CDH13: variants seen among roughly 807,000 people sequenced by gnomAD.
CDH13 encodes the protein cadherin-13.
Under a neutral mutation model 63.8 loss-of-function variants are expected in CDH13, and 24 were observed. The ratio of observed to expected loss-of-function variants is 0.38; its 90% CI spans 0.27 to 0.53. The LOEUF is 0.53. Ranked by LOEUF, CDH13 falls within the 20% of genes least tolerant of loss-of-function variation. The probability of loss-of-function intolerance (pLI) is 0.85; values close to 1 mark genes in which losing one functional copy is unlikely to be tolerated. For missense variants in CDH13, 1,049 were observed against 903.1 expected, an observed-to-expected ratio of 1.16 and a Z score of -2.07; for synonymous variants, 503 against 355.3, an observed-to-expected ratio of 1.42 and a Z score of -4.67.
intron 10 of CDH13, among the ~76,000 whole-genome samples, chr16:83,680,758 G>T (rs182961935): frequency 7.2e-5 from 11 of 152,112 alleles, no homozygotes; most frequent in African/African-American, 2.4e-4. Flanking sequence ...CATCACAAAT[G>T]ACTAGTACCC....
intron 2 of CDH13, among the ~76,000 whole-genome samples, chr16:82,873,269 C>G (rs1485108966): frequency 6.6e-6 from 1 of 152,136 alleles, no homozygotes; most frequent in Non-Finnish European, 1.5e-5. Context: ...ATTTAATCAT[C>G]TCAAATGTCT....
At chr16:82,738,630 C>G (rs2033794559) in intron 1 of CDH13, among the ~76,000 whole-genome samples, 1 of 152,186 alleles carries the variant, frequency 6.6e-6, no homozygotes, top group African/African-American at 2.4e-5. Flanking sequence ...AGAAAGATAC[C>G]TTTCAGGTTC....
chr16:83,785,774 C>T (rs1915838607), intron 13 of CDH13, among the ~76,000 whole-genome samples: 1 of 152,098 alleles, frequency 6.6e-6, no homozygotes, highest in Non-Finnish European at 1.5e-5. Flanking sequence ...ATACCTGAGC[C>T]CTACCCTATG....
intron 1 of CDH13, among the ~76,000 whole-genome samples, chr16:82,851,096 A>G (rs2039462206): frequency 2.0e-5 from 3 of 152,172 alleles, no homozygotes; most frequent in African/African-American, 7.2e-5. Context: ...GTTGGGTAGC[A>G]TCTTTTAGAA....
intron 7 of CDH13, among the ~76,000 whole-genome samples, chr16:83,509,600 T>G (rs558654257): frequency 1.3e-5 from 2 of 152,088 alleles, no homozygotes; most frequent in Non-Finnish European, 2.9e-5. Context: ...GGGAAGTAGA[T>G]TTCTGGAAAG....
At chr16:83,712,983 T>G (rs1354852772) in intron 10 of CDH13, among the ~76,000 whole-genome samples, 1 of 152,224 alleles carries the variant, frequency 6.6e-6, no homozygotes, top group Non-Finnish European at 1.5e-5. Flanking sequence ...AATGTTAAGG[T>G]GGAGAGCTCT....
intron 1 of CDH13, among the ~76,000 whole-genome samples, chr16:82,781,318 G>A (rs1000259417): frequency 2.6e-5 from 4 of 152,098 alleles, no homozygotes; most frequent in Non-Finnish European, 4.4e-5. Flanking sequence ...GACCACAAGG[G>A]TCCTGCCTAC....
intron 2 of CDH13, among the ~76,000 whole-genome samples, chr16:82,871,240 G>C (rs980009955): frequency 6.6e-6 from 1 of 152,190 alleles, no homozygotes; most frequent in Admixed American, 6.5e-5. Flanking sequence ...TACAGGTAAT[G>C]TATGAAAAGG....
intron 5 of CDH13, among the ~76,000 whole-genome samples, chr16:83,273,862 G>C (rs1307799868): frequency 1.3e-5 from 2 of 152,136 alleles, no homozygotes. Flanking sequence ...GGGTGAAAAG[G>C]CCACCCTTGA....
chr16:83,550,561 C>T (rs2075471741), intron 7 of CDH13, among the ~76,000 whole-genome samples: 1 of 152,196 alleles, frequency 6.6e-6, no homozygotes, highest in African/African-American at 2.4e-5. Flanking sequence ...CCCATGCATG[C>T]AAACCAGCAT....
At chr16:82,947,782 C>G (rs563646873) in intron 2 of CDH13, among the ~76,000 whole-genome samples, 138 of 152,198 alleles carry the variant, frequency 9.1e-4, no homozygotes, top group African/African-American at 3.1e-3. Flanking sequence ...TTCCATATTT[C>G]CAATGAGAAT....
chr16:82,866,221 C>A (rs894235664), intron 2 of CDH13, among the ~76,000 whole-genome samples: 1 of 152,102 alleles, frequency 6.6e-6, no homozygotes, highest in African/African-American at 2.4e-5. Context: ...TTTCCCACAT[C>A]TTCCTGTCTT....
intron 7 of CDH13, among the ~76,000 whole-genome samples, chr16:83,574,751 G>C (rs544742194): frequency 6.6e-6 from 1 of 152,278 alleles, no homozygotes; most frequent in Admixed American, 6.5e-5. Context: ...AGATTCCCAT[G>C]TAACAACAAC....
intron 6 of CDH13, among the ~76,000 whole-genome samples, chr16:83,476,348 C>G (rs987247742): frequency 6.6e-6 from 1 of 152,154 alleles, no homozygotes; most frequent in East Asian, 1.9e-4. Flanking sequence ...AAAACCACTG[C>G]TGTAAAAAGG....
At chr16:82,793,383 A>G (rs1224378731) in intron 1 of CDH13, among the ~76,000 whole-genome samples, 1 of 45,970 alleles carries the variant, frequency 2.2e-5, no homozygotes, top group Admixed American at 3.4e-4. Context: ...AAGGGAGGGA[A>G]AAAAAAAATC....
At chr16:82,632,200 T>C (rs1023380394) in intron 1 of CDH13, among the ~76,000 whole-genome samples, 13 of 152,164 alleles carry the variant, frequency 8.5e-5, no homozygotes, top group Non-Finnish European at 1.6e-4. Flanking sequence ...TACCCAGCCT[T>C]CTGTGCTCAC....
At chr16:82,896,241 G>A (rs2041251939) in intron 2 of CDH13, among the ~76,000 whole-genome samples, 1 of 140,464 alleles carries the variant, frequency 7.1e-6, no homozygotes, top group South Asian at 2.3e-4. Context: ...ATTGCAGATT[G>A]AGATAGTCTG....
intron 7 of CDH13, among the ~76,000 whole-genome samples, chr16:83,586,447 T>G (rs1421700425): frequency 6.6e-6 from 1 of 152,220 alleles, no homozygotes; most frequent in Non-Finnish European, 1.5e-5. Context: ...GTTTATGGGT[T>G]TTATTATTGG....
At chr16:83,001,206 C>G (rs968279673) in intron 2 of CDH13, among the ~76,000 whole-genome samples, 2 of 152,250 alleles carry the variant, frequency 1.3e-5, no homozygotes. Context: ...GCATAGAAAT[C>G]TGCACAGAGC....
Sources: gnomAD v4.1 joint callset for allele counts (sites outside exome capture counted in the v4.1 genomes callset) on GRCh38, gnomAD v4.1.1 for gene constraint, MANE v1.5 for transcripts, NCBI Gene and HGNC (gene_info 2026-07-23, HGNC 2026-07-21) for gene names.